Variants in SEPTIN4 observed in about 807,000 individuals in gnomAD.
SEPTIN4 encodes septin 4.
A neutral mutation model predicts 107.1 loss-of-function variants in SEPTIN4; 52 were observed. The ratio of observed to expected loss-of-function variants is 0.49; its 90% confidence interval spans 0.39 to 0.61. The LOEUF (loss-of-function observed/expected upper bound fraction) is 0.61, where lower values mean the gene tolerates loss of function less well. Among genes scored for constraint, SEPTIN4 ranks in the 20% least tolerant of loss-of-function variants. The probability of loss-of-function intolerance (pLI) is 0.00; values close to 1 mark genes in which losing one functional copy is unlikely to be tolerated. For synonymous variants in SEPTIN4, 417 were observed against 467.0 expected, an observed-to-expected ratio of 0.89 and a Z score of 1.38; for missense variants, 1,048 against 1,243.5, an observed-to-expected ratio of 0.84 and a Z score of 2.36.
At chr17:58,526,365 G>A (rs759634837) in intron 4 of SEPTIN4, 52 bp from the exon 5 acceptor site, 27 of 1,450,352 alleles carry the variant, frequency 1.9e-5, no homozygotes, top group Admixed American at 1.3e-4. Context: ...AAGGGGCCCC[G>A]GCACCCAGCG....
intron 3 of SEPTIN4, chr17:58,528,983 C>G: frequency 9.4e-7 from 1 of 1,066,120 alleles, no homozygotes; most frequent in South Asian, 1.4e-5. Flanking sequence ...CCAGGGTCCT[C>G]ACCTCCTGCC....
chr17:58,523,645 C>A (rs553068328), intron 7 of SEPTIN4, among the ~76,000 whole-genome samples: 1 of 151,804 alleles, frequency 6.6e-6, no homozygotes, highest in Non-Finnish European at 1.5e-5. Context: ...AAAATGTCCA[C>A]CACAGGCTGG....
intron 3 of SEPTIN4, chr17:58,527,586 C>T (rs906802746): frequency 1.4e-4 from 28 of 199,964 alleles, no homozygotes; most frequent in Admixed American, 1.6e-4. Flanking sequence ...CACTGCCCAG[C>T]GCTCAGTATA....
chr17:58,525,212 G>A lies in SEPTIN4; in HGVS notation c.2093-11C>T. On this transcript the variant is annotated splice_polypyrimidine_tract_variant and intron_variant, in intron 6 of 13. Transcript: ENST00000672673. Reference sequence around the variant, plus strand: ...TTTGCATGATCCTCTCTGGAGAAAGGGGAAACTGAGGCCAGGGCAAGGGCA... The same window carrying A: ...TTTGCATGATCCTCTCTGGAGAAAGAGGAAACTGAGGCCAGGGCAAGGGCA... 1.2e-6 allele frequency: 2 copies of A among 1,613,138 alleles called. No homozygotes were observed. Among genetic ancestry groups the A allele is most frequent in the Non-Finnish European group, 1.7e-6 (2 of 1,179,920 alleles).
Position 58,544,100 on chromosome 17 carries a change from C to T in SEPTIN4, c.87G>A (p.Gln29=). The change falls in exon 1 of 14, where the codon CAG becomes CAA. Residue 29 remains glutamine, a synonymous_variant. Transcript: ENST00000672673. ...SEVTTNTSPQ[Q]GHGYVLASSH... is the part of the protein sequence containing the mutation. Reference sequence around the variant, plus strand: ...TTGAGGCAAGAACGTACCCATGTCCCTGCTGAGGGGATGTGTTAGTAGTAA... The same window carrying T: ...TTGAGGCAAGAACGTACCCATGTCCTTGCTGAGGGGATGTGTTAGTAGTAA... 6.2e-7 allele frequency: 1 copy of T among 1,614,148 alleles called. No homozygotes were observed. The highest frequency in any genetic ancestry group is 8.5e-7 in the Non-Finnish European group (1 of 1,180,018).
chr17:58,525,779 C>T lies in SEPTIN4; in HGVS notation c.2008G>A (p.Glu670Lys). The T allele has an allele frequency of 1.2e-6, 2 of 1,613,758 alleles. No individual in the cohort carries two copies. Among genetic ancestry groups the T allele is most frequent in the East Asian group, 4.5e-5 (2 of 44,888 alleles). The change falls in exon 6 of 14, where the codon GAG becomes AAG. Residue 670 changes from glutamate to lysine, a missense_variant and splice_region_variant. Transcript: ENST00000672673. Reference protein sequence around the residue: ...GFDFTLMVAGESGLGKSTLVN... With the variant: ...GFDFTLMVAGKSGLGKSTLVN... ...AGTGTGGATTTGCCCAGGCCAGACT[C>T]TCCTGAGAGGAGAGAGGACAGAGGC...
intron 7 of SEPTIN4, 77 bp downstream of exon 7, chr17:58,525,001 A>T (rs956512074): frequency 1.3e-6 from 2 of 1,593,478 alleles, no homozygotes; most frequent in Non-Finnish European, 8.6e-7. Flanking sequence ...GTATGGATAT[A>T]TCTGGGCCTA....
chr17:58,527,198 C>G (rs544394678), intron 3 of SEPTIN4: 1 of 864,774 alleles, frequency 1.2e-6, no homozygotes, highest in South Asian at 1.3e-5. Context: ...GGAAGGGTCC[C>G]AGGGTCCAGG....
chr17:58,531,064 GGA>G (rs2043414428), intron 3 of SEPTIN4: 1 of 152,478 alleles, frequency 6.6e-6, no homozygotes, highest in Non-Finnish European at 1.5e-5. Context: ...CAGACTGAGA[GGA>G]GAGGACGGTG....
At chr17:58,540,829 A>T in intron 2 of SEPTIN4, 156 bp from the exon 3 acceptor site, 1 of 610,036 alleles carries the variant, frequency 1.6e-6, no homozygotes, top group Non-Finnish European at 2.4e-6. Flanking sequence ...GGCCCAAACA[A>T]CAGCAGCTAG....
At position 58,526,705 on chromosome 17, in the gene SEPTIN4, G is replaced by C; in HGVS notation, c.1888C>G (p.Leu630Val). 1 of 1,596,590 alleles carries C rather than the reference G, an allele frequency of 6.3e-7. No individual in the cohort carries two copies. The highest frequency in any genetic ancestry group is 1.8e-5 in the Admixed American group (1 of 55,402). Residue 630 changes from leucine (L) to valine (V), a missense_variant, in exon 4 of 14, where the codon CTT becomes GTT. Physicochemically the swap from Leu to Val is conservative, Grantham distance 32 (BLOSUM62 1). Coordinates refer to ENST00000672673, the MANE Select transcript of SEPTIN4 (RefSeq NM_001368771.2). The part of the protein sequence containing the change: ...SARPRSPWGK[L>V]DPYDSSEDDK... ...ACCTCAGAGGAATCATAGGGATCAAGCTTGCCCCATGGGCTGCGGGGCCTG... is the reference window on the plus strand; with the variant it reads ...ACCTCAGAGGAATCATAGGGATCAACCTTGCCCCATGGGCTGCGGGGCCTG...
Position 58,521,552 on chromosome 17 carries a change from G to A in SEPTIN4, c.2564C>T (p.Ala855Val). 1 of 1,614,152 alleles carries A rather than the reference G, an allele frequency of 6.2e-7. No homozygotes were observed. The highest frequency in any genetic ancestry group is 1.1e-5 in the South Asian group (1 of 91,080). ...EDEDFKLQDQ[A>V]LKESIPFAVI... The stretch of plus-strand genomic sequence containing the variant: ...GCCCTAGAGTGGCCCCACCTTTAGG[G>A]CTTGGTCCTGCAATTTGAAGTCCTC... Residue 855 changes from alanine to valine, a missense_variant, in exon 10 of 14, where the codon GCC becomes GTC. This residue lies in a region of SEPTIN4 where 261 missense variants were observed against 371.7 expected (regional missense o/e 0.70). Coordinates refer to ENST00000672673, the MANE Select transcript of SEPTIN4 (RefSeq NM_001368771.2). This position sits in a 1 kb window ranked among gnomAD's most constrained non-coding sequence, Gnocchi z 6.4.
chr17:58,523,369 C>CAAA (rs375194184), intron 7 of SEPTIN4, among the ~76,000 whole-genome samples: 55 of 95,518 alleles, frequency 5.8e-4, no homozygotes, highest in Middle Eastern at 6.0e-3. Flanking sequence ...GAACCAGTCT[C>CAAA]AAAAAAAAAA....
chr17:58,536,572 C>T (rs754613544), intron 3 of SEPTIN4, among the ~76,000 whole-genome samples: 1 of 152,220 alleles, frequency 6.6e-6, no homozygotes, highest in Non-Finnish European at 1.5e-5. Flanking sequence ...CAGAAACAGC[C>T]ACTGTGGAGA....
intron 13 of SEPTIN4, 25 bp from the exon 14 acceptor site, chr17:58,520,510 T>C (rs2042143747): frequency 3.7e-6 from 6 of 1,613,362 alleles, no homozygotes; most frequent in Non-Finnish European, 5.1e-6. Context: ...GGCATCAAAA[T>C]GGGGACTTTT....
chr17:58,524,363 C>T (rs1003587552), intron 7 of SEPTIN4, among the ~76,000 whole-genome samples: 1 of 152,196 alleles, frequency 6.6e-6, no homozygotes, highest in Non-Finnish European at 1.5e-5. Flanking sequence ...CAAAGTTCCA[C>T]CATTTTTCCC....
In SEPTIN4 at chr17:58,534,630, T is replaced by C. The variant is rs544846045; in HGVS notation, c.1614+6036A>G. Among the ~76,000 whole-genome samples the C allele has an allele frequency of 1.4e-4, 21 of 152,366 alleles. No individual in the cohort carries two copies. In the South Asian group the frequency reaches 4.3e-3, roughly 32 times the overall value. On this transcript the variant is annotated intron_variant, in intron 3 of 13. Transcript: ENST00000672673. ...CAAAATTCAACATCCCACCAGGCAT[T>C]GATGGCCTTGACTACAGTACAACTC...
chr17:58,536,466 T>C, intron 3 of SEPTIN4, among the ~76,000 whole-genome samples: 1 of 152,200 alleles, frequency 6.6e-6, no homozygotes, highest in Middle Eastern at 3.2e-3. Context: ...GACATTGGAA[T>C]GACCAAGCCG....
At chr17:58,535,239 T>G (rs1216391015) in intron 3 of SEPTIN4, among the ~76,000 whole-genome samples, 2 of 152,172 alleles carry the variant, frequency 1.3e-5, no homozygotes, top group Non-Finnish European at 2.9e-5. Flanking sequence ...AAGGTGTGGG[T>G]GGCAAGGCTG....
Sources: gnomAD v4.1 joint callset for allele counts (sites outside exome capture counted in the v4.1 genomes callset) on GRCh38, gnomAD v4.1.1 for gene constraint, gnomAD v4.1.1 regional missense constraint, Gnocchi (gnomAD v3.1) non-coding constraint, MANE v1.5 for transcripts, NCBI Gene and HGNC (gene_info 2026-07-23, HGNC 2026-07-21) for gene names.